The following CPLX4 variants were observed in gnomAD, a reference collection of about 807,000 sequenced individuals.
CPLX4 encodes the protein complexin-4.
CPLX4 carries 17 observed loss-of-function variants against 16.1 expected under a neutral mutation model. The ratio of observed to expected loss-of-function variants is 1.06; its 90% CI spans 0.72 to 1.59. The LOEUF is 1.59. Among genes scored for constraint, CPLX4 ranks in the 40% most tolerant of loss-of-function variants. The probability of loss-of-function intolerance (pLI) is 0.00; values close to 1 mark genes in which losing one functional copy is unlikely to be tolerated. For missense variants in CPLX4, 193 were observed against 192.9 expected (o/e 1.00, Z 0.00); for synonymous variants, 55 against 57.8 (o/e 0.95, Z 0.22).
chr18:59,314,610 A>T (rs557597940), intron 1 of CPLX4, among the ~76,000 whole-genome samples: 15 of 152,294 alleles, frequency 9.8e-5, no homozygotes, highest in Non-Finnish European at 8.8e-5. Flanking sequence ...CCCTCTCAAG[A>T]TAGAAAACAT....
Position 59,296,935 on chromosome 18 carries a change from A to C in CPLX4, c.256-10T>G, listed in dbSNP as rs746164919. The C allele has an allele frequency of 2.4e-5, 38 of 1,599,260 alleles. No homozygotes were observed. The highest frequency in any genetic ancestry group is 3.1e-5 in the Non-Finnish European group (37 of 1,176,990). ...TCTCATCCATTTCACTCTATGTGAAAAATAAATAGAGATAGATAAATAACT... is the reference window on the plus strand; with the variant it reads ...TCTCATCCATTTCACTCTATGTGAACAATAAATAGAGATAGATAAATAACT... On this transcript the variant is annotated splice_polypyrimidine_tract_variant and intron_variant, in intron 2 of 2. Coordinates refer to ENST00000299721, the MANE Select transcript of CPLX4 (RefSeq NM_181654.4).
At position 59,312,711 on chromosome 18, in the gene CPLX4, G is replaced by T; in HGVS notation, c.229C>A (p.Leu77Ile). 1 of 1,423,990 alleles carries T rather than the reference G, an allele frequency of 7.0e-7. No homozygotes were observed. The highest frequency in any genetic ancestry group is 9.9e-7 in the Non-Finnish European group (1 of 1,006,662). The allele number at this position is 1,423,990 out of a possible 1,614,324, so 88.2% of individuals were successfully genotyped here. Residue 77 changes from leucine to isoleucine, a missense_variant, in exon 2 of 3, where the codon CTC (leucine) becomes ATC (isoleucine). Physicochemically the swap from Leu to Ile is conservative, Grantham distance 5. Transcript: ENST00000299721. ...TTTGGGAGCCTGTATTTTTCTCTGA[G>T]ATGAACTCTGAGGCATGCCCTTTCT... ...KAERACLRVH[L>I]REKYRLPKSE... is the part of the protein sequence containing the mutation.
chr18:59,318,195 C>T (rs2070663491), intron 1 of CPLX4, 101 bp downstream of exon 1: 6 of 1,452,432 alleles, frequency 4.1e-6, no homozygotes, highest in Admixed American at 2.4e-5. Context: ...AAAGGAAAGG[C>T]ATCTTAAAAA....
chr18:59,312,708 T>G lies in CPLX4; in HGVS notation c.232A>C (p.Arg78=), dbSNP rs752341091. The G allele has an allele frequency of 2.1e-6, 3 of 1,403,042 alleles. No individual in the cohort carries two copies. Among genetic ancestry groups the G allele is most frequent in the East Asian group, 2.3e-5 (1 of 43,882 alleles). The allele number at this position is 1,403,042 out of a possible 1,614,324, so 86.9% of individuals were successfully genotyped here. A position where few individuals can be genotyped will look rare whatever the true frequency, so the allele number is the denominator to read the frequency against. ...ACCTTTGGGAGCCTGTATTTTTCTC[T>G]GAGATGAACTCTGAGGCATGCCCTT... The part of the protein sequence containing the change: ...AERACLRVHL[R]EKYRLPKSEM... The change falls in exon 2 of 3, where the codon AGA becomes CGA. Residue 78 remains arginine (R), a synonymous_variant. Coordinates refer to ENST00000299721, the MANE Select transcript of CPLX4 (RefSeq NM_181654.4).
intron 2 of CPLX4, among the ~76,000 whole-genome samples, chr18:59,298,858 C>G (rs2144178129): frequency 1.3e-5 from 2 of 152,330 alleles, no homozygotes; most frequent in East Asian, 3.9e-4. Context: ...CCTCAGGGCT[C>G]TCTTCTTTGA....
chr18:59,308,256 C>T (rs11874567), intron 2 of CPLX4, among the ~76,000 whole-genome samples: 299 of 152,226 alleles, frequency 2.0e-3, no homozygotes, highest in African/African-American at 6.2e-3. Context: ...GATTCTGCCC[C>T]CCATAAGCTT....
chr18:59,298,913 T>A (rs1419822844), intron 2 of CPLX4, among the ~76,000 whole-genome samples: 1 of 152,138 alleles, frequency 6.6e-6, no homozygotes, highest in Non-Finnish European at 1.5e-5. Flanking sequence ...GCTCAAGAAA[T>A]AGCTTGAGAA....
chr18:59,299,113 T>G (rs2070522517), intron 2 of CPLX4, among the ~76,000 whole-genome samples: 1 of 152,204 alleles, frequency 6.6e-6, no homozygotes, highest in African/African-American at 2.4e-5. Context: ...CTGGTCAAAC[T>G]GTTGTGGGAT....
At chr18:59,311,214 A>G (rs1330448031) in intron 2 of CPLX4, among the ~76,000 whole-genome samples, 1 of 152,200 alleles carries the variant, frequency 6.6e-6, no homozygotes. Context: ...CTCTTCCAAA[A>G]TGCAAGCACA....
chr18:59,316,963 A>G (rs1302261686), intron 1 of CPLX4, among the ~76,000 whole-genome samples: 1 of 152,162 alleles, frequency 6.6e-6, no homozygotes, highest in Non-Finnish European at 1.5e-5. Flanking sequence ...TTTGCATGCC[A>G]TAGGTAAAAT....
intron 1 of CPLX4, among the ~76,000 whole-genome samples, chr18:59,313,512 T>C (rs958008584): frequency 5.9e-5 from 9 of 152,224 alleles, no homozygotes; most frequent in Non-Finnish European, 1.2e-4. Flanking sequence ...CCTTTGGGAA[T>C]GTCTGCAAGG....
At chr18:59,297,406 T>G (rs2070509252) in intron 2 of CPLX4, among the ~76,000 whole-genome samples, 1 of 152,068 alleles carries the variant, frequency 6.6e-6, no homozygotes, top group African/African-American at 2.4e-5. Flanking sequence ...TAAATCTCAG[T>G]AGCTGGGATT....
At chr18:59,302,622 A>T (rs1005082784) in intron 2 of CPLX4, among the ~76,000 whole-genome samples, 6 of 152,194 alleles carry the variant, frequency 3.9e-5, no homozygotes, top group Middle Eastern at 3.2e-3. Context: ...CAGACTTATT[A>T]TCTTTATGGC....
Position 59,296,725 on chromosome 18 carries a change from T to C in CPLX4, c.456A>G (p.Thr152=). 1 of 1,584,008 alleles carries C rather than the reference T, an allele frequency of 6.3e-7. No individual in the cohort carries two copies. Among genetic ancestry groups the C allele is most frequent in the Non-Finnish European group, 8.6e-7 (1 of 1,157,062 alleles). ...AQATFTEIKQ[T]AEQKCSVM is the part of the protein sequence containing the mutation. ...ACATCACGGAACACTTCTGCTCCGC[T>C]GTCTGCTTGATTTCAGTGAAGGTGG... Residue 152 remains threonine (T), a synonymous_variant, in exon 3 of 3, where the codon ACA becomes ACG. Transcript: ENST00000299721.
At chr18:59,314,550 C>A (rs539370640) in intron 1 of CPLX4, among the ~76,000 whole-genome samples, 1 of 152,264 alleles carries the variant, frequency 6.6e-6, no homozygotes, top group African/African-American at 2.4e-5. Context: ...ACCTCTGAAG[C>A]ACACCATTCA....
chr18:59,313,266 G>C (rs907534963), intron 1 of CPLX4, among the ~76,000 whole-genome samples: 2 of 152,150 alleles, frequency 1.3e-5, no homozygotes, highest in South Asian at 2.1e-4. Flanking sequence ...TTTGAAGACC[G>C]TTGTTGTTGG....
At chr18:59,311,477 ATCAG>A (rs2070616434) in intron 2 of CPLX4, among the ~76,000 whole-genome samples, 1 of 151,972 alleles carries the variant, frequency 6.6e-6, no homozygotes, top group African/African-American at 2.4e-5. Context: ...AGTTTCTAAA[ATCAG>A]CTTTTTCTGG....
rs540395315 is a variant in CPLX4, at chr18:59,303,410, C to T, written c.256-6485G>A. ...ATTCCACAGGGACTCAAGAAGCTCC[C>T]GGAGGCCGCATATCCAAGCCTCTCA... On this transcript the variant is annotated intron_variant, in intron 2 of 2. Coordinates refer to ENST00000299721, the MANE Select transcript of CPLX4 (RefSeq NM_181654.4). 1.2e-4 allele frequency among the ~76,000 whole-genome samples: 19 copies of T among 152,238 alleles called. No homozygotes were observed. In the South Asian group the frequency reaches 2.5e-3, roughly 20 times the overall value.
At chr18:59,309,376 T>C (rs1266693899) in intron 2 of CPLX4, among the ~76,000 whole-genome samples, 1 of 152,240 alleles carries the variant, frequency 6.6e-6, no homozygotes, top group East Asian at 1.9e-4. Flanking sequence ...AATTCTTATC[T>C]GTTTGTTTGG....
Sources: allele counts gnomAD v4.1 joint callset (sites outside exome capture counted in the v4.1 genomes callset), GRCh38; gene constraint gnomAD v4.1.1; transcripts MANE v1.5; gene names NCBI Gene and HGNC (gene_info 2026-07-23, HGNC 2026-07-21).